The following MYH16 variants were observed in gnomAD, a reference collection of about 807,000 sequenced individuals.
MYH16 encodes myosin heavy chain 16, also known as putative uncharacterized protein MYH16.
At position 99,242,186 on chromosome 7, in the gene MYH16, T is replaced by C. The variant is rs1192954367; in HGVS notation, n.211-1092T>C. On this transcript the variant is annotated intron_variant and non_coding_transcript_variant, in intron 1 of 41. Transcript: ENST00000439784. The stretch of plus-strand genomic sequence containing the variant: ...TAGTTTTCATTTATAGATGAAGAAA[T>C]TGGGGTGCAGCATGGGGAAGAGATC... Among the ~76,000 whole-genome samples the C allele has an allele frequency of 2.0e-5, 3 of 152,170 alleles. No homozygotes were observed. The East Asian group carries it at 5.8e-4, about 29-fold the overall frequency.
intron 9 of MYH16, among the ~76,000 whole-genome samples, chr7:99,256,327 T>C (rs1310453474): frequency 6.8e-6 from 1 of 147,714 alleles, no homozygotes; most frequent in African/African-American, 2.5e-5. Flanking sequence ...TAGCTGGGTG[T>C]GATGGCAAGC....
At chr7:99,291,404 C>T (rs754391549) in exon 31 of MYH16, 6 of 456,494 alleles carry the variant, frequency 1.3e-5, no homozygotes, top group South Asian at 4.6e-5. Context: ...ACATCTCTGA[C>T]GTCACAAGTG....
At chr7:99,248,915 G>T (rs1213675077) in intron 3 of MYH16, 1 of 152,656 alleles carries the variant, frequency 6.6e-6, no homozygotes, top group Non-Finnish European at 1.5e-5. Flanking sequence ...GCGCTGACTG[G>T]CTGGGGCATT....
At chr7:99,311,119 A>G (rs573038894), downstream of MYH16, 1 of 152,228 alleles carries the variant, frequency 6.6e-6, no homozygotes, top group Admixed American at 6.5e-5. Flanking sequence ...AGAAACATTA[A>G]AAAAATAGAC....
At chr7:99,291,126 C>G (rs1792367454) in intron 30 of MYH16, 197 bp from the exon 12 acceptor site, 2 of 305,470 alleles carry the variant, frequency 6.5e-6, no homozygotes, top group African/African-American at 4.5e-5. Flanking sequence ...TCTTGGCAAC[C>G]CTTGGGCGCT....
At chr7:99,273,191 C>G (rs1047040692) in intron 19 of MYH16, among the ~76,000 whole-genome samples, 114 bp downstream of exon 1, 1 of 152,174 alleles carries the variant, frequency 6.6e-6, no homozygotes, top group Non-Finnish European at 1.5e-5. Context: ...TGCCGCAGAC[C>G]ACATGGGCAA....
rs549370167 is a variant in MYH16, at chr7:99,251,800, C to T, written n.729+614C>T. Among the ~76,000 whole-genome samples, 12 of 152,112 alleles carry T rather than the reference C, an allele frequency of 7.9e-5. No homozygotes were observed. In the South Asian group the frequency reaches 2.5e-3, roughly 32 times the overall value. On this transcript the variant is annotated intron_variant and non_coding_transcript_variant, in intron 6 of 41. Transcript: ENST00000439784. ...GCCTCGGCAACAGAGCGAGACCACCCGCCATCTCTATAAAAAATAAAAATT... is the reference window on the plus strand; with the variant it reads ...GCCTCGGCAACAGAGCGAGACCACCTGCCATCTCTATAAAAAATAAAAATT...
At chr7:99,280,184 A>G (rs941110293) in intron 22 of MYH16, among the ~76,000 whole-genome samples, 3 of 152,250 alleles carry the variant, frequency 2.0e-5, no homozygotes, top group African/African-American at 7.2e-5. Flanking sequence ...ACATGGGGCT[A>G]TTGTAACATC....
At chr7:99,277,931 GAGAGAGACAGACAGAC>G (rs1359450206) in intron 21 of MYH16, among the ~76,000 whole-genome samples, 13 of 134,202 alleles carry the variant, frequency 9.7e-5, no homozygotes, top group Admixed American at 7.7e-4. Context: ...GAGAGAGAGA[GAGAGAGACAGACAGAC>G]AGACAGACAG....
chr7:99,263,680 A>G (rs1373006213), intron 14 of MYH16, among the ~76,000 whole-genome samples: 1 of 152,214 alleles, frequency 6.6e-6, no homozygotes, highest in Admixed American at 6.5e-5. Context: ...GGAGCTTCCA[A>G]TGATTGAACT....
intron 11 of MYH16, chr7:99,260,101 A>C: frequency 6.9e-7 from 1 of 1,445,804 alleles, no homozygotes; most frequent in Non-Finnish European, 9.6e-7. Context: ...GCTTCATTCA[A>C]TCCTGGGAGA....
intron 1 of MYH16, among the ~76,000 whole-genome samples, chr7:99,241,137 G>C (rs771206436): frequency 6.6e-6 from 1 of 152,204 alleles, no homozygotes; most frequent in Non-Finnish European, 1.5e-5. Flanking sequence ...CCGGCCAGCC[G>C]GGTTTGGGAC....
intron 37 of MYH16, among the ~76,000 whole-genome samples, chr7:99,300,843 G>C (rs1044604873): frequency 6.6e-6 from 1 of 151,890 alleles, no homozygotes; most frequent in Non-Finnish European, 1.5e-5. Flanking sequence ...ACATCCCCAA[G>C]CAGACAGCAA....
At chr7:99,289,641 G>A (rs1792339632) in intron 30 of MYH16, among the ~76,000 whole-genome samples, 1 of 152,192 alleles carries the variant, frequency 6.6e-6, no homozygotes, top group Admixed American at 6.5e-5. Context: ...TGAGATCAGT[G>A]GGAGAGGCAT....
At chr7:99,251,676 A>C (rs1791810103) in intron 6 of MYH16, among the ~76,000 whole-genome samples, 1 of 152,186 alleles carries the variant, frequency 6.6e-6, no homozygotes, top group Non-Finnish European at 1.5e-5. Context: ...CTCCATTAGC[A>C]TAAAAGAAGG....
intron 14 of MYH16, chr7:99,263,490 T>C (rs908825631): frequency 6.6e-6 from 1 of 152,608 alleles, no homozygotes; most frequent in Non-Finnish European, 1.5e-5. Flanking sequence ...GTGTCCAGTA[T>C]CCCTGTGCTG....
chr7:99,291,633 C>T (rs1584355589), intron 31 of MYH16, among the ~76,000 whole-genome samples, 183 bp downstream of exon 12: 1 of 135,212 alleles, frequency 7.4e-6, no homozygotes, highest in African/African-American at 2.7e-5. Flanking sequence ...CCCCACCCCC[C>T]CCACCCCCAA....
At chr7:99,277,638 A>G (rs1333459333) in exon 21 of MYH16, 1 of 457,008 alleles carries the variant, frequency 2.2e-6, no homozygotes, top group Non-Finnish European at 4.4e-6. Flanking sequence ...GTTGGTAAAC[A>G]AGGTCAAGGA....
chr7:99,279,358 CAAAAAA>C (rs35683727), intron 21 of MYH16, among the ~76,000 whole-genome samples, 146 bp from the exon 4 acceptor site: 1 of 45,876 alleles, frequency 2.2e-5, no homozygotes, highest in Admixed American at 2.5e-4. Context: ...AACCCTGACT[CAAAAAA>C]AAAAAAAAAA....
Sources: gnomAD v4.1 joint callset for allele counts (sites outside exome capture counted in the v4.1 genomes callset) on GRCh38, gnomAD v4.1.1 for gene constraint, MANE v1.5 for transcripts, NCBI Gene and HGNC (gene_info 2026-07-23, HGNC 2026-07-21) for gene names.